CAP2: variants seen among roughly 807,000 people sequenced by gnomAD.
The protein encoded by CAP2 is cyclase associated actin cytoskeleton regulatory protein 2.
A neutral mutation model predicts 57.7 loss-of-function variants in CAP2; 24 were observed. That is an observed-to-expected ratio of 0.42 (90% CI 0.30 to 0.58). CAP2 has a LOEUF of 0.58. Ranked by LOEUF, CAP2 falls within the 20% of genes least tolerant of loss-of-function variation. The pLI is 0.22. For synonymous variants in CAP2, 194 were observed against 207.2 expected, an observed-to-expected ratio of 0.94 and a Z score of 0.55; for missense variants, 501 against 590.3, an observed-to-expected ratio of 0.85 and a Z score of 1.57.
At position 17,542,930 on chromosome 6, in the gene CAP2, A is replaced by G; in HGVS notation, c.1096A>G (p.Ile366Val). Residue 366 changes from isoleucine to valine, a missense_variant, in exon 10 of 13, where the codon ATA becomes GTA. Transcript: ENST00000229922. ...IFKCEKSTIQ[I>V]KGKVNSIIID... is the part of the protein sequence containing the mutation. The stretch of plus-strand genomic sequence containing the variant: ...CAAATGCGAAAAATCAACTATTCAG[A>G]TAAAAGGGAAAGTAAACTCCATTAT... The G allele has an allele frequency of 6.2e-7, 1 of 1,613,886 alleles. No homozygotes were observed. The highest frequency in any genetic ancestry group is 8.5e-7 in the Non-Finnish European group (1 of 1,179,734).
intron 11 of CAP2, among the ~76,000 whole-genome samples, chr6:17,546,979 A>C (rs1763061971): frequency 6.6e-6 from 1 of 152,218 alleles, no homozygotes; most frequent in African/African-American, 2.4e-5. Flanking sequence ...CAACTTCAGC[A>C]AAGTCTCAGG....
intron 7 of CAP2, among the ~76,000 whole-genome samples, chr6:17,524,400 A>T (rs1325282659): frequency 2.0e-5 from 3 of 152,152 alleles, no homozygotes; most frequent in Non-Finnish European, 2.9e-5. Flanking sequence ...GATGCAGGGA[A>T]GGTGAACCCC....
intron 7 of CAP2, among the ~76,000 whole-genome samples, chr6:17,534,554 G>A (rs572825486): frequency 6.6e-6 from 1 of 152,256 alleles, no homozygotes; most frequent in South Asian, 2.1e-4. Context: ...ATCTGGGAGC[G>A]ATCCTTTTGT....
intron 7 of CAP2, among the ~76,000 whole-genome samples, chr6:17,515,111 C>T (rs1762244796): frequency 6.6e-6 from 1 of 151,622 alleles, no homozygotes; most frequent in Non-Finnish European, 1.5e-5. Context: ...GCAAGAGAAT[C>T]GCTTGAATCC....
intron 1 of CAP2, among the ~76,000 whole-genome samples, chr6:17,398,754 G>C (rs1221237870): frequency 6.6e-6 from 1 of 152,036 alleles, no homozygotes; most frequent in African/African-American, 2.4e-5. Flanking sequence ...TCAATCTCCT[G>C]ACCTCATGAT....
At chr6:17,533,106 G>C (rs1554129717) in intron 7 of CAP2, among the ~76,000 whole-genome samples, 2 of 136,762 alleles carry the variant, frequency 1.5e-5, no homozygotes, top group Non-Finnish European at 3.1e-5. Flanking sequence ...AAAGAACTTG[G>C]AAGTGTTTTC....
intron 7 of CAP2, chr6:17,536,302 A>C (rs1274146826): frequency 2.2e-6 from 1 of 456,758 alleles, no homozygotes; most frequent in African/African-American, 2.0e-5. Context: ...GATCCAGTGA[A>C]GGGAACATCT....
At chr6:17,423,830 C>T (rs914354798) in intron 2 of CAP2, among the ~76,000 whole-genome samples, 2 of 152,200 alleles carry the variant, frequency 1.3e-5, no homozygotes, top group African/African-American at 4.8e-5. Flanking sequence ...TTTATTAAAG[C>T]AAAGCTCTTC....
rs1477983088 is a variant in CAP2, at chr6:17,556,682, T to C, written c.*240T>C. The C allele has an allele frequency of 6.2e-6, 3 of 484,286 alleles. No homozygotes were observed. Among genetic ancestry groups the C allele is most frequent in the Non-Finnish European group, 7.3e-6 (2 of 272,684 alleles). 30.0% of individuals were successfully genotyped at this position (484,286 alleles called of 1,614,324 possible). On this transcript the variant is annotated 3_prime_UTR_variant, in exon 13 of 13. Transcript: ENST00000229922. ...GTTCCACATGATGACTTGTGAACAT[T>C]AGGGATTTAAAGGAAAAAAAAAAAG...
chr6:17,494,425 A>G (rs1201274376), intron 4 of CAP2, among the ~76,000 whole-genome samples: 1 of 152,020 alleles, frequency 6.6e-6, no homozygotes, highest in African/African-American at 2.4e-5. Flanking sequence ...TGATCTTTGT[A>G]GTGGCCGTTT....
chr6:17,545,811 C>G (rs966515075), intron 11 of CAP2, among the ~76,000 whole-genome samples: 2 of 151,898 alleles, frequency 1.3e-5, no homozygotes, highest in Admixed American at 1.3e-4. Context: ...TTTGTCCTTG[C>G]GATAGTTTGC....
Position 17,542,980 on chromosome 6 carries a change from C to G in CAP2, c.1126+20C>G, listed in dbSNP as rs768593490. 4 of 1,613,154 alleles carry G rather than the reference C, an allele frequency of 2.5e-6. No homozygotes were observed. Among genetic ancestry groups the G allele is most frequent in the Non-Finnish European group, 2.5e-6 (3 of 1,179,258 alleles). On this transcript the variant is annotated intron_variant, in intron 10 of 12. Transcript: ENST00000229922. ...TAATTGGTAGGGCAGAATTATGGCT[C>G]TATGGTTATTATGATGTTTTATAAA...
intron 4 of CAP2, among the ~76,000 whole-genome samples, chr6:17,495,755 T>C (rs950560288): frequency 2.6e-5 from 4 of 152,174 alleles, no homozygotes; most frequent in African/African-American, 9.7e-5. Context: ...TGCAATTTAG[T>C]GGCTTTTTTC....
At chr6:17,397,642 C>T (rs537452850) in intron 1 of CAP2, among the ~76,000 whole-genome samples, 321 of 147,772 alleles carry the variant, frequency 2.2e-3, no homozygotes, top group Non-Finnish European at 3.6e-3. Context: ...TTGCAGTGAG[C>T]CGAGATCGCG....
At chr6:17,510,312 A>G (rs950379560) in intron 6 of CAP2, among the ~76,000 whole-genome samples, 5 of 152,282 alleles carry the variant, frequency 3.3e-5, no homozygotes, top group Admixed American at 6.5e-5. Flanking sequence ...AGTGTATGGG[A>G]TGTGAATTGT....
chr6:17,436,081 C>CTT, intron 3 of CAP2, among the ~76,000 whole-genome samples: 1 of 125,966 alleles, frequency 7.9e-6, no homozygotes, highest in Non-Finnish European at 1.7e-5. Context: ...TTCTTTCTTT[C>CTT]TTTCTTTCCT....
intron 1 of CAP2, among the ~76,000 whole-genome samples, chr6:17,417,413 T>C (rs6459545): frequency 0.53 from 80,711 of 151,200 alleles, 23,940 homozygotes; most frequent in African/African-American, 0.8. Context: ...ATAGCTGGGA[T>C]TGTAGGCGTG....
chr6:17,540,111 C>T (rs1168463834), intron 8 of CAP2, among the ~76,000 whole-genome samples: 2 of 152,058 alleles, frequency 1.3e-5, no homozygotes, highest in South Asian at 2.1e-4. Flanking sequence ...AACATTAGCT[C>T]CTCTGTCCTG....
At chr6:17,466,925 A>G (rs2113603206) in intron 4 of CAP2, among the ~76,000 whole-genome samples, 1 of 152,300 alleles carries the variant, frequency 6.6e-6, no homozygotes, top group South Asian at 2.1e-4. Flanking sequence ...CTTAGTATCT[A>G]GTAGATGAGT....
Sources: allele counts gnomAD v4.1 joint callset (sites outside exome capture counted in the v4.1 genomes callset), GRCh38; gene constraint gnomAD v4.1.1; transcripts MANE v1.5; gene names NCBI Gene and HGNC (gene_info 2026-07-23, HGNC 2026-07-21).